Variants in PPARGC1A observed in about 807,000 individuals in gnomAD.
The protein encoded by PPARGC1A is peroxisome proliferator-activated receptor gamma coactivator 1-alpha.
PPARGC1A carries 25 observed loss-of-function variants against 88.7 expected under a neutral mutation model. The ratio of observed to expected loss-of-function variants is 0.28; its 90% CI spans 0.21 to 0.39. The LOEUF (loss-of-function observed/expected upper bound fraction) is 0.39, where lower values mean the gene tolerates loss of function less well. PPARGC1A is among the 10% of genes least tolerant of loss of function. The probability of loss-of-function intolerance (pLI) is 1.00; values close to 1 mark genes in which losing one functional copy is unlikely to be tolerated. For missense variants in PPARGC1A, 880 were observed against 968.7 expected, an observed-to-expected ratio of 0.91 and a Z score of 1.22; for synonymous variants, 363 against 355.6, an observed-to-expected ratio of 1.02 and a Z score of -0.24.
upstream of PPARGC1A, among the ~76,000 whole-genome samples, chr4:23,899,542 G>C (rs1448994587): frequency 6.6e-6 from 1 of 152,202 alleles, no homozygotes; most frequent in Non-Finnish European, 1.5e-5. Flanking sequence ...TATTATGGTT[G>C]TTAGGGATTT....
intron 2 of PPARGC1A, among the ~76,000 whole-genome samples, chr4:23,838,141 G>C (rs555425304): frequency 6.6e-6 from 1 of 152,272 alleles, no homozygotes; most frequent in South Asian, 2.1e-4. Flanking sequence ...AAAGTGCTCT[G>C]AGCCTTTGCT....
At chr4:24,167,635 G>A in the PPARGC1A span, among the ~76,000 whole-genome samples, 1 of 152,166 alleles carries the variant, frequency 6.6e-6, no homozygotes, top group African/African-American at 2.4e-5. Context: ...CAACCACCCT[G>A]ATCAGTCAGC....
the PPARGC1A span, among the ~76,000 whole-genome samples, chr4:24,135,618 A>C: frequency 6.6e-6 from 1 of 152,056 alleles, no homozygotes; most frequent in East Asian, 1.9e-4. Context: ...CCATCTGCAA[A>C]ATGTTTGCAG....
chr4:23,799,018 G>A (rs1430156537), intron 12 of PPARGC1A, among the ~76,000 whole-genome samples: 1 of 152,088 alleles, frequency 6.6e-6, no homozygotes, highest in Non-Finnish European at 1.5e-5. Context: ...AAGAAAATTG[G>A]TTAAATCTAT....
At chr4:24,305,758 G>C in the PPARGC1A span, among the ~76,000 whole-genome samples, 5 of 152,166 alleles carry the variant, frequency 3.3e-5, no homozygotes, top group Non-Finnish European at 7.3e-5. Flanking sequence ...GTTGCAGTAA[G>C]CCAAGATCAT....
chr4:23,893,848 A>G (rs1718195026), upstream of PPARGC1A, among the ~76,000 whole-genome samples: 1 of 152,184 alleles, frequency 6.6e-6, no homozygotes, highest in Admixed American at 6.6e-5. Flanking sequence ...ACTTCTCAAG[A>G]AAGAAAGGTG....
the PPARGC1A span, among the ~76,000 whole-genome samples, chr4:24,211,052 C>T: frequency 6.6e-6 from 1 of 152,198 alleles, no homozygotes; most frequent in Non-Finnish European, 1.5e-5. Context: ...TGCTTACTTA[C>T]TTACTTGTAT....
At chr4:24,284,975 C>T in the PPARGC1A span, among the ~76,000 whole-genome samples, 2 of 152,150 alleles carry the variant, frequency 1.3e-5, no homozygotes, top group South Asian at 2.1e-4. Flanking sequence ...TTGCAGTGAG[C>T]CACGATCGGG....
chr4:24,120,648 G>A, the PPARGC1A span, among the ~76,000 whole-genome samples: 18 of 152,132 alleles, frequency 1.2e-4, no homozygotes, highest in Non-Finnish European at 2.2e-4. Context: ...CCAAGGTGAT[G>A]GTATTGGGAG....
chr4:24,300,643 G>A, the PPARGC1A span, among the ~76,000 whole-genome samples: 5 of 151,836 alleles, frequency 3.3e-5, no homozygotes, highest in East Asian at 9.7e-4. Flanking sequence ...TAGGTAAATT[G>A]CCTCCCTCAT....
At chr4:24,328,170 A>G in the PPARGC1A span, among the ~76,000 whole-genome samples, 4 of 151,970 alleles carry the variant, frequency 2.6e-5, no homozygotes, top group African/African-American at 4.8e-5. Context: ...TGTTGCTAAT[A>G]CAAAGCCTAT....
the PPARGC1A span, among the ~76,000 whole-genome samples, chr4:23,954,432 A>C: frequency 6.6e-6 from 1 of 152,072 alleles, no homozygotes; most frequent in South Asian, 2.1e-4. Context: ...ACTCTCTTAT[A>C]TTAAAAAATA....
chr4:24,026,904 T>A, the PPARGC1A span, among the ~76,000 whole-genome samples: 1 of 152,134 alleles, frequency 6.6e-6, no homozygotes, highest in Non-Finnish European at 1.5e-5. Context: ...CTTAAATTGC[T>A]CTGTTGGGCC....
the PPARGC1A span, among the ~76,000 whole-genome samples, chr4:24,100,253 A>G: frequency 6.6e-6 from 1 of 152,192 alleles, no homozygotes; most frequent in African/African-American, 2.4e-5. Flanking sequence ...GTCTATTGGC[A>G]TATGAAGCTT....
chr4:24,089,512 TTC>T, the PPARGC1A span, among the ~76,000 whole-genome samples: 583 of 36,572 alleles, frequency 0.016, 31 homozygotes, highest in East Asian at 0.03. Context: ...TTTCTTTTCT[TTC>T]TTTTTTTTTT....
chr4:23,807,991 G>C (rs1349472378), intron 10 of PPARGC1A, among the ~76,000 whole-genome samples: 1 of 151,848 alleles, frequency 6.6e-6, no homozygotes, highest in African/African-American at 2.4e-5. Context: ...CTCCAAAAAA[G>C]AATAACTCTG....
intron 2 of PPARGC1A, among the ~76,000 whole-genome samples, chr4:23,865,448 G>T (rs145476987): frequency 3.9e-5 from 6 of 152,104 alleles, no homozygotes; most frequent in African/African-American, 1.4e-4. Flanking sequence ...CACTTAGCAC[G>T]GCCCCAATAA....
At chr4:23,846,259 C>CTGCGTGGTCAACT (rs1307146649) in intron 2 of PPARGC1A, among the ~76,000 whole-genome samples, 1 of 152,146 alleles carries the variant, frequency 6.6e-6, no homozygotes, top group Non-Finnish European at 1.5e-5. Flanking sequence ...ATAGTAAAAG[C>CTGCGTGGTCAACT]TGCGTGGTCA....
At chr4:24,359,623 G>T in the PPARGC1A span, among the ~76,000 whole-genome samples, 18 of 152,288 alleles carry the variant, frequency 1.2e-4, no homozygotes, top group African/African-American at 4.1e-4. Context: ...ATCAAGTAAA[G>T]ATGTGGTCAT....
Sources: allele counts gnomAD v4.1 joint callset (sites outside exome capture counted in the v4.1 genomes callset), GRCh38; gene constraint gnomAD v4.1.1; transcripts MANE v1.5; gene names NCBI Gene and HGNC (gene_info 2026-07-23, HGNC 2026-07-21).